The following CNTN3 variants were observed in gnomAD, a reference collection of about 807,000 sequenced individuals.
CNTN3 encodes the protein contactin 3.
In CNTN3, 60 loss-of-function variants were observed where a neutral mutation model predicts 119.1. That is an observed-to-expected ratio of 0.50 (90% CI 0.41 to 0.62). The LOEUF (loss-of-function observed/expected upper bound fraction) is 0.62, where lower values mean the gene tolerates loss of function less well. CNTN3 is among the 20% of genes least tolerant of loss of function. The probability of loss-of-function intolerance (pLI) is 0.00; values close to 1 mark genes in which losing one functional copy is unlikely to be tolerated. For synonymous variants in CNTN3, 450 were observed against 438.7 expected (o/e 1.03, Z -0.32); for missense variants, 1,101 against 1,242.4 (o/e 0.89, Z 1.71).
At chr3:74,373,738 A>C (rs1488196605) in intron 5 of CNTN3, among the ~76,000 whole-genome samples, 1 of 152,200 alleles carries the variant, frequency 6.6e-6, no homozygotes, top group Non-Finnish European at 1.5e-5. Flanking sequence ...CCAAAGGTTA[A>C]CATTATTGAT....
At chr3:74,326,677 T>C (rs1703138394) in intron 13 of CNTN3, among the ~76,000 whole-genome samples, 1 of 152,118 alleles carries the variant, frequency 6.6e-6, no homozygotes, top group Non-Finnish European at 1.5e-5. Context: ...GTTGATACTA[T>C]TGGGTTTTGA....
intron 5 of CNTN3, among the ~76,000 whole-genome samples, chr3:74,386,008 T>C (rs1258024533): frequency 6.6e-6 from 1 of 151,748 alleles, no homozygotes. Context: ...CTCAAAAAAG[T>C]ATAGGAGGAA....
intron 1 of CNTN3, among the ~76,000 whole-genome samples, chr3:74,583,545 TGACTCGGAG>T (rs1234065763): frequency 6.6e-6 from 1 of 152,124 alleles, no homozygotes; most frequent in African/African-American, 2.4e-5. Flanking sequence ...TAGAAGTGGC[TGACTCGGAG>T]GACGTGGGGA....
chr3:74,367,439 A>G (rs1207577514), intron 8 of CNTN3, among the ~76,000 whole-genome samples: 2 of 152,052 alleles, frequency 1.3e-5, no homozygotes, highest in East Asian at 1.9e-4. Context: ...GAAACATGAC[A>G]TTATTCTCTG....
rs148773074 is a variant in CNTN3, at chr3:74,480,366, T to C, written c.358+6090A>G. On this transcript the variant is annotated intron_variant, in intron 4 of 22. Coordinates refer to ENST00000263665, the MANE Select transcript of CNTN3 (RefSeq NM_020872.3). ...ATCTTTACGTATTTTGTAAGAATTA[T>C]GGCTTAAAATTTATGGATTTTGTAA... is the stretch of plus-strand genomic sequence containing the variant. Among the ~76,000 whole-genome samples, 343 of 152,246 alleles carry C rather than the reference T, an allele frequency of 2.3e-3. 2 individuals are homozygous for C. Among genetic ancestry groups the C allele is most frequent in the African/African-American group, 7.9e-3 (329 of 41,568 alleles).
chr3:74,308,457 T>C (rs1200363191), intron 13 of CNTN3, among the ~76,000 whole-genome samples: 2 of 152,242 alleles, frequency 1.3e-5, no homozygotes, highest in African/African-American at 4.8e-5. Flanking sequence ...GAGTCCCAGC[T>C]TGTTCCATCA....
chr3:74,482,819 C>T (rs1702785712), intron 4 of CNTN3, among the ~76,000 whole-genome samples: 1 of 152,142 alleles, frequency 6.6e-6, no homozygotes, highest in African/African-American at 2.4e-5. Context: ...CCTACTAATA[C>T]AAGGGTCTCC....
At chr3:74,408,992 T>C (rs948127395) in intron 5 of CNTN3, among the ~76,000 whole-genome samples, 3 of 152,110 alleles carry the variant, frequency 2.0e-5, no homozygotes, top group African/African-American at 4.8e-5. Context: ...CTTTGGCCAA[T>C]GCACTACACA....
chr3:74,437,723 A>G (rs759847285), intron 4 of CNTN3, among the ~76,000 whole-genome samples: 5 of 152,110 alleles, frequency 3.3e-5, no homozygotes, highest in Non-Finnish European at 5.9e-5. Flanking sequence ...ACATATATAT[A>G]GCCCTAGAAT....
At chr3:74,418,840 G>A (rs533382555) in intron 5 of CNTN3, among the ~76,000 whole-genome samples, 11 of 151,570 alleles carry the variant, frequency 7.3e-5, no homozygotes, top group African/African-American at 2.7e-4. Context: ...CCAGGCTGGA[G>A]TGCAATGGTG....
chr3:74,580,234 G>T (rs889732914), intron 1 of CNTN3, among the ~76,000 whole-genome samples: 1 of 152,146 alleles, frequency 6.6e-6, no homozygotes, highest in African/African-American at 2.4e-5. Context: ...ATCTATTAAA[G>T]AAATTAAACT....
chr3:74,499,806 C>CA (rs1269808052), intron 2 of CNTN3, 21 bp from the exon 3 acceptor site: 1 of 1,567,238 alleles, frequency 6.4e-7, no homozygotes, highest in East Asian at 2.3e-5. Context: ...GGGAGACATC[C>CA]AAAAAATAAT....
intron 5 of CNTN3, among the ~76,000 whole-genome samples, chr3:74,393,688 G>C (rs1295681062): frequency 6.6e-6 from 1 of 152,192 alleles, no homozygotes; most frequent in African/African-American, 2.4e-5. Context: ...AAACACAGAG[G>C]GAAATGGGAA....
At chr3:74,363,146 A>G (rs1704114427) in intron 10 of CNTN3, among the ~76,000 whole-genome samples, 1 of 152,070 alleles carries the variant, frequency 6.6e-6, no homozygotes, top group African/African-American at 2.4e-5. Context: ...CTTATATGCA[A>G]ACTCCTCCCT....
chr3:74,576,375 CA>C (rs1253229716), intron 1 of CNTN3, among the ~76,000 whole-genome samples: 1 of 151,968 alleles, frequency 6.6e-6, no homozygotes, highest in African/African-American at 2.4e-5. Context: ...TAAAAATATT[CA>C]ATGTTACAGA....
At chr3:74,304,536 G>C (rs73841827) in intron 13 of CNTN3, among the ~76,000 whole-genome samples, 5,725 of 152,178 alleles carry the variant, frequency 0.038, 340 homozygotes, top group African/African-American at 0.13. Flanking sequence ...TATTTTGAAG[G>C]CATCTGGGTA....
At chr3:74,425,029 A>C in intron 4 of CNTN3, 89 bp from the exon 5 acceptor site, 1 of 844,912 alleles carries the variant, frequency 1.2e-6, no homozygotes, top group Non-Finnish European at 1.8e-6. Flanking sequence ...TTTAGAAAAC[A>C]ATTTTAGTTT....
At chr3:74,410,079 A>G (rs912667672) in intron 5 of CNTN3, among the ~76,000 whole-genome samples, 1 of 152,170 alleles carries the variant, frequency 6.6e-6, no homozygotes, top group Non-Finnish European at 1.5e-5. Context: ...CCACTCATAG[A>G]AAGATTCAGA....
intron 20 of CNTN3, among the ~76,000 whole-genome samples, chr3:74,268,656 C>T (rs1701709413): frequency 6.6e-6 from 1 of 152,126 alleles, no homozygotes; most frequent in African/African-American, 2.4e-5. Context: ...GTCTGAGCTG[C>T]TGTGCTCTGC....
Sources: allele counts gnomAD v4.1 joint callset (sites outside exome capture counted in the v4.1 genomes callset), GRCh38; gene constraint gnomAD v4.1.1; transcripts MANE v1.5; gene names NCBI Gene and HGNC (gene_info 2026-07-23, HGNC 2026-07-21).